The following ST6GALNAC5 variants were observed in gnomAD, a reference collection of about 807,000 sequenced individuals.
ST6GALNAC5 encodes alpha-N-acetylgalactosaminide alpha-2,6-sialyltransferase 5.
ST6GALNAC5 carries 27 observed loss-of-function variants against 33.6 expected under a neutral mutation model. That is an observed-to-expected ratio of 0.80 (90% CI 0.59 to 1.11). ST6GALNAC5 has a LOEUF of 1.11. Among genes scored for constraint, ST6GALNAC5 ranks in the 50% least tolerant of loss-of-function variants. The pLI is 0.00. For synonymous variants in ST6GALNAC5, 194 were observed against 171.2 expected, an observed-to-expected ratio of 1.13 and a Z score of -1.04; for missense variants, 428 against 454.0, an observed-to-expected ratio of 0.94 and a Z score of 0.52.
At chr1:76,913,579 T>C (rs1169117848) in intron 2 of ST6GALNAC5, among the ~76,000 whole-genome samples, 1 of 152,170 alleles carries the variant, frequency 6.6e-6, no homozygotes, top group Non-Finnish European at 1.5e-5. Flanking sequence ...ATTTGGTCTT[T>C]TCACATAGTC....
At chr1:77,004,970 G>T (rs2100416305) in intron 2 of ST6GALNAC5, among the ~76,000 whole-genome samples, 1 of 149,276 alleles carries the variant, frequency 6.7e-6, no homozygotes, top group Admixed American at 6.7e-5. Flanking sequence ...GCCCCCAGAG[G>T]TGGAGCCTAC....
chr1:77,055,228 C>T (rs1012168257), intron 4 of ST6GALNAC5, among the ~76,000 whole-genome samples: 87 of 152,254 alleles, frequency 5.7e-4, no homozygotes, highest in African/African-American at 2.1e-3. Context: ...TTAGTCACAT[C>T]TTCTCTACTG....
intron 2 of ST6GALNAC5, among the ~76,000 whole-genome samples, chr1:77,042,404 G>A (rs1019167522): frequency 6.6e-6 from 1 of 152,160 alleles, no homozygotes; most frequent in Non-Finnish European, 1.5e-5. Context: ...AAGGCTATTT[G>A]CCCCATTTTT....
At chr1:76,952,343 C>A (rs1647782815) in intron 2 of ST6GALNAC5, among the ~76,000 whole-genome samples, 1 of 151,984 alleles carries the variant, frequency 6.6e-6, no homozygotes, top group African/African-American at 2.4e-5. Context: ...AGCCCTGACC[C>A]CCAATGTGAT....
At chr1:76,965,649 T>C (rs1210369814) in intron 2 of ST6GALNAC5, among the ~76,000 whole-genome samples, 1 of 152,182 alleles carries the variant, frequency 6.6e-6, no homozygotes, top group Non-Finnish European at 1.5e-5. Context: ...TTGTTGCCAT[T>C]GCTTTTGATG....
chr1:76,886,722 T>A (rs1017985582), intron 2 of ST6GALNAC5, among the ~76,000 whole-genome samples: 1 of 152,216 alleles, frequency 6.6e-6, no homozygotes, highest in Non-Finnish European at 1.5e-5. Context: ...CTTCTACCAG[T>A]CCCTGGTAAC....
intron 2 of ST6GALNAC5, among the ~76,000 whole-genome samples, chr1:76,873,001 G>A (rs1487599819): frequency 6.6e-6 from 1 of 152,168 alleles, no homozygotes; most frequent in Admixed American, 6.5e-5. Context: ...GTGACAGCCA[G>A]GATAATTTTT....
chr1:76,904,221 T>C (rs764805108), intron 2 of ST6GALNAC5, among the ~76,000 whole-genome samples: 5 of 152,142 alleles, frequency 3.3e-5, no homozygotes, highest in African/African-American at 1.2e-4. Context: ...GAAAGTCTAC[T>C]ACACATGTCT....
At chr1:76,961,120 C>A (rs530641201) in intron 2 of ST6GALNAC5, among the ~76,000 whole-genome samples, 1 of 152,274 alleles carries the variant, frequency 6.6e-6, no homozygotes, top group South Asian at 2.1e-4. Context: ...ATTTGGGGAA[C>A]TAATAAATGT....
intron 2 of ST6GALNAC5, among the ~76,000 whole-genome samples, chr1:76,910,354 A>G (rs917844691): frequency 5.3e-5 from 8 of 152,094 alleles, no homozygotes; most frequent in Non-Finnish European, 8.8e-5. Context: ...TCACAACTGC[A>G]GTGGTTAAAG....
chr1:77,044,072 A>T, intron 2 of ST6GALNAC5, 132 bp from the exon 3 acceptor site: 3 of 1,009,534 alleles, frequency 3.0e-6, no homozygotes, highest in South Asian at 1.7e-5. Context: ...AGCAGAAGGG[A>T]TATACTCTGA....
At chr1:76,896,457 A>G (rs1324766361) in intron 2 of ST6GALNAC5, among the ~76,000 whole-genome samples, 1 of 152,216 alleles carries the variant, frequency 6.6e-6, no homozygotes, top group Non-Finnish European at 1.5e-5. Context: ...GAGAGGTTCT[A>G]AGAGGCGGGC....
chr1:76,995,885 C>T (rs558012870), intron 2 of ST6GALNAC5, among the ~76,000 whole-genome samples: 21 of 152,194 alleles, frequency 1.4e-4, no homozygotes, highest in African/African-American at 2.6e-4. Flanking sequence ...TTCATTCCCA[C>T]GACTAGCATG....
chr1:76,979,217 A>G (rs373577416), intron 2 of ST6GALNAC5, among the ~76,000 whole-genome samples: 6 of 152,304 alleles, frequency 3.9e-5, no homozygotes, highest in East Asian at 3.9e-4. Flanking sequence ...TGCAGATTCA[A>G]TGCAATCCCT....
chr1:77,039,465 C>A (rs1049803927), intron 2 of ST6GALNAC5, among the ~76,000 whole-genome samples: 1 of 152,216 alleles, frequency 6.6e-6, no homozygotes. Flanking sequence ...GCCTACCACC[C>A]TTTCTCTTTG....
At chr1:77,022,532 A>G (rs1236661032) in intron 2 of ST6GALNAC5, among the ~76,000 whole-genome samples, 1 of 152,228 alleles carries the variant, frequency 6.6e-6, no homozygotes, top group Non-Finnish European at 1.5e-5. Flanking sequence ...AACCTAGGCT[A>G]GATTAATGAT....
intron 2 of ST6GALNAC5, among the ~76,000 whole-genome samples, chr1:77,006,016 A>G (rs1205199478): frequency 6.6e-6 from 1 of 152,214 alleles, no homozygotes; most frequent in Non-Finnish European, 1.5e-5. Flanking sequence ...ATTGGTATAC[A>G]AAATTTCTTT....
At chr1:76,948,162 C>T (rs368670057) in intron 2 of ST6GALNAC5, among the ~76,000 whole-genome samples, 25 of 152,114 alleles carry the variant, frequency 1.6e-4, no homozygotes, top group Admixed American at 9.8e-4. Context: ...TTCCATGAGG[C>T]GTGTCTATAA....
chr1:77,014,294 G>A (rs1052977554), intron 2 of ST6GALNAC5, among the ~76,000 whole-genome samples: 3 of 152,174 alleles, frequency 2.0e-5, no homozygotes, highest in African/African-American at 7.2e-5. Context: ...CAAGTGACAG[G>A]ATTCCCCATC....
Sources: allele counts gnomAD v4.1 joint callset (sites outside exome capture counted in the v4.1 genomes callset), GRCh38; gene constraint gnomAD v4.1.1; transcripts MANE v1.5; gene names NCBI Gene and HGNC (gene_info 2026-07-23, HGNC 2026-07-21).